SEMA5A: variants seen among roughly 807,000 people sequenced by gnomAD.
The protein encoded by SEMA5A is semaphorin-5A.
Under a neutral mutation model 135.5 loss-of-function variants are expected in SEMA5A, and 55 were observed. The observed-to-expected ratio is 0.41, with a 90% CI of 0.33 to 0.51. SEMA5A has a LOEUF of 0.51. Ranked by LOEUF, SEMA5A falls within the 20% of genes least tolerant of loss-of-function variation. The pLI is 0.37. For missense variants in SEMA5A, 1,290 were observed against 1,419.9 expected, an observed-to-expected ratio of 0.91 and a Z score of 1.47; for synonymous variants, 580 against 546.5, an observed-to-expected ratio of 1.06 and a Z score of -0.85.
At chr5:9,195,089 T>C (rs40688) in intron 10 of SEMA5A, among the ~76,000 whole-genome samples, 118,120 of 152,204 alleles carry the variant, frequency 0.78, 46,136 homozygotes, top group African/African-American at 0.87. Flanking sequence ...TTAAAAGGAG[T>C]ATTTCCTGTA....
intron 18 of SEMA5A, among the ~76,000 whole-genome samples, chr5:9,058,101 G>A (rs1340545920): frequency 6.6e-6 from 1 of 152,158 alleles, no homozygotes; most frequent in Admixed American, 6.5e-5. Context: ...CCTGAGTGAG[G>A]CTGAGCCACT....
chr5:9,511,962 GTCT>G (rs1261837507), intron 1 of SEMA5A: 1 of 152,114 alleles, frequency 6.6e-6, no homozygotes, highest in Non-Finnish European at 1.5e-5. Context: ...AATATGATTT[GTCT>G]TCTTCTTTAC....
At chr5:9,533,396 T>C (rs894264155) in intron 1 of SEMA5A, among the ~76,000 whole-genome samples, 4 of 152,236 alleles carry the variant, frequency 2.6e-5, no homozygotes, top group Non-Finnish European at 5.9e-5. Context: ...CCTTTCACTT[T>C]AGTGTAAAAG....
chr5:9,145,448 A>G (rs2150238780), intron 12 of SEMA5A, among the ~76,000 whole-genome samples: 1 of 152,268 alleles, frequency 6.6e-6, no homozygotes, highest in Admixed American at 6.5e-5. Context: ...TATCTCCTTA[A>G]GAATTCACTG....
At chr5:9,501,197 T>C (rs1735577320) in intron 1 of SEMA5A, among the ~76,000 whole-genome samples, 2 of 152,236 alleles carry the variant, frequency 1.3e-5, no homozygotes, top group African/African-American at 4.8e-5. Context: ...TTTCATGCAA[T>C]TGTGTCAAAA....
chr5:9,408,589 T>G lies in SEMA5A; in HGVS notation c.-77-28566A>C, dbSNP rs2463504. 6.1e-4 allele frequency among the ~76,000 whole-genome samples: 93 copies of G among 152,326 alleles called. No individual in the cohort carries two copies. The East Asian group carries it at 0.016, about 27-fold the overall frequency. On this transcript the variant is annotated intron_variant, in intron 2 of 22. Coordinates refer to ENST00000382496, the MANE Select transcript of SEMA5A (RefSeq NM_003966.3). ...TAACTCCTACATCGTGCTTAGTAGGTGCAGGCATGGTACTAAGTATTTTAT... is the reference window on the plus strand; with the variant it reads ...TAACTCCTACATCGTGCTTAGTAGGGGCAGGCATGGTACTAAGTATTTTAT...
intron 1 of SEMA5A, chr5:9,523,188 A>G (rs462639): frequency 0.82 from 124,812 of 151,796 alleles, 51,492 homozygotes; most frequent in Middle Eastern, 0.88. Context: ...TGCCAAACTC[A>G]GCTCCGCAGA....
chr5:9,529,252 G>T (rs767630939), intron 1 of SEMA5A, among the ~76,000 whole-genome samples: 7 of 152,192 alleles, frequency 4.6e-5, no homozygotes, highest in Non-Finnish European at 1.0e-4. Context: ...TGCCAGCTTT[G>T]CCTCTCACCA....
intron 11 of SEMA5A, among the ~76,000 whole-genome samples, chr5:9,182,521 T>C (rs892827158): frequency 2.0e-5 from 3 of 152,160 alleles, no homozygotes. Context: ...TTTGCTTGTA[T>C]AGTCCATGTC....
intron 1 of SEMA5A, among the ~76,000 whole-genome samples, chr5:9,489,019 C>G (rs1045640587): frequency 6.6e-6 from 1 of 152,148 alleles, no homozygotes; most frequent in Non-Finnish European, 1.5e-5. Flanking sequence ...AGAGAAATCA[C>G]TTAACATTTT....
intron 16 of SEMA5A, among the ~76,000 whole-genome samples, chr5:9,068,443 A>C (rs2150076728): frequency 6.6e-6 from 1 of 152,196 alleles, no homozygotes; most frequent in African/African-American, 2.4e-5. Context: ...AGCTGAGTGG[A>C]GGAAGAGGGC....
chr5:9,118,866 G>T, intron 15 of SEMA5A, 132 bp downstream of exon 15: 1 of 1,150,392 alleles, frequency 8.7e-7, no homozygotes, highest in Non-Finnish European at 1.2e-6. Context: ...AGAAGAGGAC[G>T]ACTGGCTCAG....
chr5:9,440,566 C>T (rs1163091338), intron 1 of SEMA5A, among the ~76,000 whole-genome samples: 1 of 152,210 alleles, frequency 6.6e-6, no homozygotes, highest in Admixed American at 6.5e-5. Flanking sequence ...ATGTGCAGAA[C>T]TATCTTGACG....
intron 2 of SEMA5A, among the ~76,000 whole-genome samples, chr5:9,409,313 A>C (rs1757017425): frequency 6.6e-6 from 1 of 152,240 alleles, no homozygotes; most frequent in South Asian, 2.1e-4. Flanking sequence ...AATATCGCAC[A>C]GTGCAATTTG....
chr5:9,241,853 T>G (rs1039761249), intron 5 of SEMA5A, among the ~76,000 whole-genome samples: 5 of 152,158 alleles, frequency 3.3e-5, no homozygotes, highest in Admixed American at 6.5e-5. Context: ...CACCGCCAGA[T>G]AAGTTAATTA....
intron 1 of SEMA5A, among the ~76,000 whole-genome samples, chr5:9,509,998 C>T (rs1204095879): frequency 6.6e-6 from 1 of 152,118 alleles, no homozygotes; most frequent in Admixed American, 6.5e-5. Flanking sequence ...GAAAAAGCAA[C>T]AGATTTTACA....
At chr5:9,374,868 A>G (rs2126455416) in intron 3 of SEMA5A, among the ~76,000 whole-genome samples, 1 of 151,182 alleles carries the variant, frequency 6.6e-6, no homozygotes, top group South Asian at 2.1e-4. Flanking sequence ...CTGGAGGTGG[A>G]GTTGGCTTCC....
intron 15 of SEMA5A, among the ~76,000 whole-genome samples, chr5:9,110,895 GA>G (rs1740204622): frequency 6.6e-6 from 1 of 152,128 alleles, no homozygotes; most frequent in Non-Finnish European, 1.5e-5. Flanking sequence ...CGTAGTAGGG[GA>G]AGGGAAAGGA....
rs147565038 is a variant in SEMA5A at position 9,491,831 on chromosome 5, G to A, written c.-175+53753C>T. On this transcript the variant is annotated intron_variant, in intron 1 of 22. Coordinates refer to ENST00000382496, the MANE Select transcript of SEMA5A (RefSeq NM_003966.3). ...GTAAACCTGGTAGTCCTACAATCAT[G>A]AGTGGATATTCTTATTCAATATATG... Among the ~76,000 whole-genome samples the A allele has an allele frequency of 5.1e-3, 775 of 152,294 alleles. 1 individual carries two copies. The highest frequency in any genetic ancestry group is 0.014 in the Admixed American group (218 of 15,296).
Sources: allele counts gnomAD v4.1 joint callset (sites outside exome capture counted in the v4.1 genomes callset), GRCh38; gene constraint gnomAD v4.1.1; transcripts MANE v1.5; gene names NCBI Gene and HGNC (gene_info 2026-07-23, HGNC 2026-07-21).